Variants in SPACA7 observed in about 807,000 individuals in gnomAD.
SPACA7 encodes sperm acrosome associated 7, also known as sperm acrosome-associated protein 7.
A neutral mutation model predicts 26.3 loss-of-function variants in SPACA7; 19 were observed. That is an observed-to-expected ratio of 0.72 (90% CI 0.50 to 1.06). SPACA7 has a LOEUF of 1.06. SPACA7 is among the 50% of genes least tolerant of loss of function. SPACA7 has a pLI of 0.00. For synonymous variants in SPACA7, 84 were observed against 84.5 expected (o/e 0.99, Z 0.04); for missense variants, 211 against 229.9 (o/e 0.92, Z 0.53).
At chr13:112,383,050 A>AGAGAGAGAGAGAAAGAC (rs1884199176) in intron 1 of SPACA7, among the ~76,000 whole-genome samples, 1 of 37,476 alleles carries the variant, frequency 2.7e-5, no homozygotes, top group African/African-American at 1.5e-4. Flanking sequence ...GAAAGACAGA[A>AGAGAGAGAGAGAAAGAC]GGAAAGAAAG....
At chr13:112,405,172 C>T (rs1482835899) in intron 5 of SPACA7, among the ~76,000 whole-genome samples, 4 of 151,558 alleles carry the variant, frequency 2.6e-5, no homozygotes, top group Admixed American at 1.3e-4. Context: ...TTAGTAGAGA[C>T]GGGGTTTCAC....
chr13:112,378,600 C>A, intron 1 of SPACA7: 1 of 462,096 alleles, frequency 2.2e-6, no homozygotes, highest in Non-Finnish European at 4.5e-6. Flanking sequence ...TCAGACTTCA[C>A]ATGTGGTACC....
At chr13:112,431,500 A>G (rs973187173) in intron 5 of SPACA7, among the ~76,000 whole-genome samples, 3 of 152,304 alleles carry the variant, frequency 2.0e-5, no homozygotes, top group African/African-American at 7.2e-5. Flanking sequence ...TTCATTTCCT[A>G]TAACATTAAT....
chr13:112,428,412 T>C (rs969264613), intron 5 of SPACA7, among the ~76,000 whole-genome samples: 3 of 152,108 alleles, frequency 2.0e-5, no homozygotes, highest in Admixed American at 2.0e-4. Flanking sequence ...AAACCCCATC[T>C]CTTCTAAAAA....
At chr13:112,393,793 C>G (rs1454520579) in intron 2 of SPACA7, among the ~76,000 whole-genome samples, 1 of 152,136 alleles carries the variant, frequency 6.6e-6, no homozygotes, top group Non-Finnish European at 1.5e-5. Context: ...AGAGACCATC[C>G]TGGCCAACAT....
intron 2 of SPACA7, among the ~76,000 whole-genome samples, chr13:112,395,112 G>T (rs1317566314): frequency 6.6e-6 from 1 of 152,208 alleles, no homozygotes; most frequent in Non-Finnish European, 1.5e-5. Context: ...ACCATCACGT[G>T]CAATTTCAGA....
intron 1 of SPACA7, among the ~76,000 whole-genome samples, chr13:112,389,321 A>G (rs1178828354): frequency 6.6e-6 from 1 of 152,230 alleles, no homozygotes; most frequent in African/African-American, 2.4e-5. Context: ...TATAACACCA[A>G]ATAAAGCTAC....
intron 2 of SPACA7, among the ~76,000 whole-genome samples, chr13:112,396,075 C>A (rs1455831244): frequency 7.3e-6 from 1 of 137,032 alleles, no homozygotes; most frequent in Admixed American, 7.2e-5. Context: ...AACGCGCCTC[C>A]TCACAGCTGG....
chr13:112,389,568 C>T (rs565114766), intron 1 of SPACA7, among the ~76,000 whole-genome samples: 2 of 152,158 alleles, frequency 1.3e-5, no homozygotes, highest in African/African-American at 4.8e-5. Context: ...TTTAATCAAG[C>T]ACATCTTTTT....
chr13:112,433,519 C>T (rs953699337), intron 6 of SPACA7, among the ~76,000 whole-genome samples: 8 of 151,564 alleles, frequency 5.3e-5, no homozygotes, highest in African/African-American at 1.7e-4. Flanking sequence ...TTCCATCCAG[C>T]CTGTTGGCTG....
At chr13:112,415,876 G>A (rs975698668) in intron 5 of SPACA7, among the ~76,000 whole-genome samples, 2 of 152,124 alleles carry the variant, frequency 1.3e-5, no homozygotes, top group Admixed American at 1.3e-4. Flanking sequence ...CCTGGGGTGG[G>A]TCTAAATGCT....
rs532463496 is a variant in SPACA7 at position 112,397,924 on chromosome 13, G to A, written c.152-125G>A. 31 of 538,734 alleles carry A rather than the reference G, an allele frequency of 5.8e-5. 1 individual carries two copies. The Middle Eastern group carries it at 3.2e-3, about 55-fold the overall frequency. The allele number at this position is 538,734 out of a possible 1,614,324, so 33.4% of individuals were successfully genotyped here. On this transcript the variant is annotated intron_variant, in intron 2 of 6. Coordinates refer to ENST00000283550, the MANE Select transcript of SPACA7 (RefSeq NM_145248.5). ...CAAGTCCCACATCCCCTGGGTTCCCGGAGTTCCTGTTTGTACAGGAACTGT... is the reference window on the plus strand; with the variant it reads ...CAAGTCCCACATCCCCTGGGTTCCCAGAGTTCCTGTTTGTACAGGAACTGT...
In SPACA7 at chr13:112,401,050, T is replaced by C; in HGVS notation, c.350-19T>C. On this transcript the variant is annotated intron_variant, in intron 4 of 6. Transcript: ENST00000283550. ...AATCAAGGACATTTTCCCCATTTTT[T>C]CCATATTTGTCATTAAAGAAGCCAA... 2 of 1,596,996 alleles carry C rather than the reference T, an allele frequency of 1.3e-6. No homozygotes were observed.
intron 1 of SPACA7, chr13:112,378,770 TA>T (rs1374825339): frequency 2.1e-6 from 1 of 470,956 alleles, no homozygotes; most frequent in African/African-American, 2.0e-5. Context: ...CCTCAGTTTT[TA>T]AAAACTGTCT....
At chr13:112,402,637 T>C (rs1204178163) in intron 5 of SPACA7, among the ~76,000 whole-genome samples, 2 of 152,210 alleles carry the variant, frequency 1.3e-5, no homozygotes, top group Non-Finnish European at 2.9e-5. Flanking sequence ...ATAATGTTTA[T>C]CCAGTAAGTA....
chr13:112,401,819 T>C (rs1271220021), intron 5 of SPACA7, among the ~76,000 whole-genome samples: 3 of 152,228 alleles, frequency 2.0e-5, no homozygotes, highest in African/African-American at 7.2e-5. Flanking sequence ...TACCCAGTTA[T>C]CCCTGAACCA....
intron 1 of SPACA7, among the ~76,000 whole-genome samples, chr13:112,382,004 A>C (rs1419286639): frequency 6.6e-6 from 1 of 152,196 alleles, no homozygotes; most frequent in African/African-American, 2.4e-5. Context: ...CTACAAAAGC[A>C]ATCTAGACCC....
intron 3 of SPACA7, 88 bp from the exon 4 acceptor site, chr13:112,398,978 A>G (rs1885461382): frequency 2.6e-6 from 2 of 771,042 alleles, no homozygotes; most frequent in East Asian, 5.2e-5. Flanking sequence ...CCAACCTTAT[A>G]TTGTAAAATA....
intron 5 of SPACA7, among the ~76,000 whole-genome samples, chr13:112,432,067 A>G (rs1420755397): frequency 6.6e-6 from 1 of 152,226 alleles, no homozygotes; most frequent in Non-Finnish European, 1.5e-5. Flanking sequence ...TCAAGTGACC[A>G]TGAGTGTCAG....
Sources: gnomAD v4.1 joint callset for allele counts (sites outside exome capture counted in the v4.1 genomes callset) on GRCh38, gnomAD v4.1.1 for gene constraint, MANE v1.5 for transcripts, NCBI Gene and HGNC (gene_info 2026-07-23, HGNC 2026-07-21) for gene names.